DSCAML1: variants seen among roughly 807,000 people sequenced by gnomAD.
DSCAML1 encodes the protein DS cell adhesion molecule like 1.
Under a neutral mutation model 200.5 loss-of-function variants are expected in DSCAML1, and 38 were observed. The observed-to-expected ratio is 0.19, with a 90% CI of 0.15 to 0.25. The LOEUF (loss-of-function observed/expected upper bound fraction) is 0.25. Ranked by LOEUF, DSCAML1 falls within the 10% of genes least tolerant of loss-of-function variation. DSCAML1 has a pLI of 1.00. For missense variants in DSCAML1, 2,223 were observed against 2,858.8 expected, an observed-to-expected ratio of 0.78 and a Z score of 5.07; for synonymous variants, 1,215 against 1,165.0, an observed-to-expected ratio of 1.04 and a Z score of -0.87.
Position 117,516,600 on chromosome 11 carries a change from G to A in DSCAML1, c.1650C>T (p.Arg550=), listed in dbSNP as rs1409312987. The A allele has an allele frequency of 1.2e-6, 2 of 1,614,102 alleles. No individual in the cohort carries two copies. Among genetic ancestry groups the A allele is most frequent in the East Asian group, 2.2e-5 (1 of 44,858 alleles). The stretch of plus-strand genomic sequence containing the variant: ...GGGTCCCATTCTCAAACACCACCTG[G>A]CGGTGGTTGTCTGGCAGCAGCAGGG... ...KDALLLPDNH[R]QVVFENGTLK... Residue 550 remains arginine (R), a synonymous_variant, in exon 8 of 33, where the codon CGC becomes CGT. Transcript: ENST00000651296. The surrounding 1 kb of genome is among the most constrained non-coding windows in gnomAD (Gnocchi z 5.7).
intron 3 of DSCAML1, among the ~76,000 whole-genome samples, chr11:117,561,828 C>T (rs2050669110): frequency 6.6e-6 from 1 of 152,246 alleles, no homozygotes; most frequent in Admixed American, 6.5e-5. Flanking sequence ...TTCATCTCCC[C>T]ATTAAGGCAC....
At chr11:117,703,387 C>G (rs115016545) in intron 3 of DSCAML1, among the ~76,000 whole-genome samples, 1 of 152,068 alleles carries the variant, frequency 6.6e-6, no homozygotes, top group Non-Finnish European at 1.5e-5. Flanking sequence ...CTACCAGGGC[C>G]CCTGCTGGAC....
At chr11:117,746,684 C>T (rs2054523603) in intron 3 of DSCAML1, among the ~76,000 whole-genome samples, 1 of 152,188 alleles carries the variant, frequency 6.6e-6, no homozygotes, top group Admixed American at 6.5e-5. Flanking sequence ...GGGACGACAA[C>T]CTTTCCTGCC....
intron 3 of DSCAML1, among the ~76,000 whole-genome samples, chr11:117,609,251 C>A (rs1317435043): frequency 6.7e-6 from 1 of 149,856 alleles, no homozygotes; most frequent in Non-Finnish European, 1.5e-5. Flanking sequence ...TAGCAGCCTG[C>A]TTTAATTTGC....
intron 3 of DSCAML1, among the ~76,000 whole-genome samples, chr11:117,547,487 TACAC>T (rs2050395458): frequency 7.0e-6 from 1 of 142,496 alleles, no homozygotes; most frequent in Non-Finnish European, 1.6e-5. Context: ...CCCTACACCC[TACAC>T]CGCCATTAGC....
At chr11:117,733,138 A>G (rs1426491810) in intron 3 of DSCAML1, among the ~76,000 whole-genome samples, 2 of 36,460 alleles carry the variant, frequency 5.5e-5, no homozygotes, top group Non-Finnish European at 3.2e-4. Context: ...CATCAGGAGG[A>G]CATGCGGGGG....
At chr11:117,813,021 C>A (rs1452959806) in intron 1 of DSCAML1, among the ~76,000 whole-genome samples, 1 of 152,162 alleles carries the variant, frequency 6.6e-6, no homozygotes, top group East Asian at 1.9e-4. Flanking sequence ...TCAGTTTAGC[C>A]TTCCCACCTC....
At chr11:117,692,240 T>C (rs1190047197) in intron 3 of DSCAML1, among the ~76,000 whole-genome samples, 1 of 152,064 alleles carries the variant, frequency 6.6e-6, no homozygotes, top group African/African-American at 2.4e-5. Flanking sequence ...TCCAGGCTTC[T>C]TTGCTCTTTG....
intron 3 of DSCAML1, among the ~76,000 whole-genome samples, chr11:117,712,475 G>A (rs1465677062): frequency 6.6e-6 from 1 of 152,142 alleles, no homozygotes; most frequent in African/African-American, 2.4e-5. Flanking sequence ...GGTTTCCCTG[G>A]AGAGAAAGGT....
chr11:117,513,853 G>A (rs2049700382), intron 8 of DSCAML1, among the ~76,000 whole-genome samples: 1 of 152,020 alleles, frequency 6.6e-6, no homozygotes. Context: ...CACACTGTCT[G>A]GCACTGTGAT....
At chr11:117,547,925 CT>C (rs1555183728) in intron 3 of DSCAML1, among the ~76,000 whole-genome samples, 9 of 152,214 alleles carry the variant, frequency 5.9e-5, no homozygotes, top group Non-Finnish European at 1.3e-4. Context: ...TCTCCCACCC[CT>C]TCCCAGGGTT....
intron 5 of DSCAML1, 101 bp from the exon 6 acceptor site, chr11:117,521,506 C>T: frequency 7.7e-7 from 1 of 1,291,508 alleles, no homozygotes; most frequent in South Asian, 1.4e-5. Flanking sequence ...TTAGGGGTCA[C>T]AAAAGGCCCA....
intron 32 of DSCAML1, 48 bp from the exon 33 acceptor site, chr11:117,428,851 G>T: frequency 6.6e-7 from 1 of 1,509,156 alleles, no homozygotes; most frequent in Non-Finnish European, 8.9e-7. Flanking sequence ...TAGCCCTCTG[G>T]AAGCAGCTCG....
intron 4 of DSCAML1, among the ~76,000 whole-genome samples, chr11:117,532,166 G>A (rs2050093171): frequency 6.6e-6 from 1 of 151,892 alleles, no homozygotes; most frequent in Non-Finnish European, 1.5e-5. Context: ...AAAAGAGGGT[G>A]AGTCTCGTAG....
chr11:117,664,633 C>T (rs1217324160), intron 3 of DSCAML1, among the ~76,000 whole-genome samples: 2 of 152,216 alleles, frequency 1.3e-5, no homozygotes, highest in African/African-American at 2.4e-5. Context: ...ATGTCTACCC[C>T]GTAATGGACA....
intron 3 of DSCAML1, among the ~76,000 whole-genome samples, chr11:117,536,419 C>T (rs1366385275): frequency 6.6e-6 from 1 of 152,312 alleles, no homozygotes; most frequent in East Asian, 1.9e-4. Context: ...AGCTGGCCCA[C>T]GTTCTCTGCT....
intron 3 of DSCAML1, among the ~76,000 whole-genome samples, chr11:117,696,043 G>A (rs1324729793): frequency 6.6e-6 from 1 of 152,192 alleles, no homozygotes; most frequent in African/African-American, 2.4e-5. Context: ...AAAACAAGAT[G>A]TCATAAAAAG....
At chr11:117,612,266 C>G (rs150237496) in intron 3 of DSCAML1, among the ~76,000 whole-genome samples, 1 of 152,228 alleles carries the variant, frequency 6.6e-6, no homozygotes. Context: ...TCTTCCCCAC[C>G]GCCTCCCTGT....
chr11:117,442,322 TTA>T (rs1232714455), intron 21 of DSCAML1, among the ~76,000 whole-genome samples: 1 of 141,422 alleles, frequency 7.1e-6, no homozygotes, highest in African/African-American at 2.8e-5. Flanking sequence ...TATGCATGTA[TTA>T]GTGTGTATAG....
Sources: allele counts gnomAD v4.1 joint callset (sites outside exome capture counted in the v4.1 genomes callset), GRCh38; gene constraint gnomAD v4.1.1; non-coding constraint Gnocchi (gnomAD v3.1); transcripts MANE v1.5; gene names NCBI Gene and HGNC (gene_info 2026-07-23, HGNC 2026-07-21).